The following TBC1D5 variants were observed in gnomAD, a reference collection of about 807,000 sequenced individuals.
The protein encoded by TBC1D5 is TBC1 domain family member 5, also known as TBC1 domain family, member 5.
In TBC1D5, 75 loss-of-function variants were observed where a neutral mutation model predicts 100.3. The observed-to-expected ratio is 0.75, with a 90% confidence interval of 0.62 to 0.91. TBC1D5 has a LOEUF of 0.91. Ranked by LOEUF, TBC1D5 falls within the 40% of genes least tolerant of loss-of-function variation. TBC1D5 has a pLI of 0.00. For synonymous variants in TBC1D5, 323 were observed against 325.6 expected, an observed-to-expected ratio of 0.99 and a Z score of 0.09; for missense variants, 910 against 942.4, an observed-to-expected ratio of 0.97 and a Z score of 0.45.
intron 20 of TBC1D5, among the ~76,000 whole-genome samples, chr3:17,167,336 T>C (rs1044891827): frequency 6.6e-6 from 1 of 152,252 alleles, no homozygotes; most frequent in Non-Finnish European, 1.5e-5. Flanking sequence ...CTGACATTTA[T>C]GTCTCATTTA....
Position 17,420,543 on chromosome 3 carries a change from T to TA in TBC1D5, c.167+7906dup, listed in dbSNP as rs2094183999. Among the ~76,000 whole-genome samples the TA allele has an allele frequency of 2.6e-5, 4 of 152,264 alleles. No homozygotes were observed. The South Asian group carries it at 8.3e-4, about 32-fold the overall frequency. On this transcript the variant is annotated intron_variant, in intron 4 of 21. Coordinates refer to ENST00000253692, the Ensembl canonical transcript of TBC1D5. ...TAAGCAAGATATTGGTGAATTTTTT[T>TA]AAAAAAATTAACTATCCACTTATGA... is the stretch of plus-strand genomic sequence containing the variant.
chr3:17,559,689 A>C (rs899339327), intron 2 of TBC1D5, among the ~76,000 whole-genome samples: 1 of 151,546 alleles, frequency 6.6e-6, no homozygotes, highest in Non-Finnish European at 1.5e-5. Flanking sequence ...TCCTGGGTTC[A>C]AGCGATTCTC....
At chr3:17,739,408 T>C (rs1487812025) in exon 1 of TBC1D5, 2 of 152,242 alleles carry the variant, frequency 1.3e-5, no homozygotes, top group African/African-American at 2.4e-5. Context: ...AATGCTTCAT[T>C]TTCTGTATCG....
intron 1 of TBC1D5, among the ~76,000 whole-genome samples, chr3:17,667,640 T>C (rs911297929): frequency 6.6e-6 from 1 of 151,914 alleles, no homozygotes; most frequent in African/African-American, 2.4e-5. Context: ...TTTGTAGTGA[T>C]GGAGTTTCGC....
At chr3:17,458,773 T>A (rs1208098029) in intron 3 of TBC1D5, among the ~76,000 whole-genome samples, 1 of 152,226 alleles carries the variant, frequency 6.6e-6, no homozygotes, top group Non-Finnish European at 1.5e-5. Context: ...TCCAGCTCAC[T>A]ACATCTCTGA....
intron 16 of TBC1D5, among the ~76,000 whole-genome samples, chr3:17,256,391 TATATA>T (rs2149390205): frequency 6.8e-6 from 1 of 146,776 alleles, no homozygotes; most frequent in Admixed American, 6.8e-5. Context: ...TGTTTATATA[TATATA>T]ATATATATAT....
At chr3:17,611,597 G>GA (rs2061673287) in intron 2 of TBC1D5, among the ~76,000 whole-genome samples, 1 of 152,254 alleles carries the variant, frequency 6.6e-6, no homozygotes, top group Admixed American at 6.5e-5. Context: ...AAGATGGGGG[G>GA]ACAAAAGACC....
At chr3:17,210,466 G>A (rs1324126965) in intron 18 of TBC1D5, among the ~76,000 whole-genome samples, 1 of 152,178 alleles carries the variant, frequency 6.6e-6, no homozygotes, top group Admixed American at 6.5e-5. Flanking sequence ...GGAATTACAG[G>A]CATGAGTCAC....
intron 2 of TBC1D5, among the ~76,000 whole-genome samples, chr3:17,613,464 G>A (rs1211627250): frequency 6.6e-6 from 1 of 152,204 alleles, no homozygotes; most frequent in African/African-American, 2.4e-5. Flanking sequence ...TCGCCACACT[G>A]CCTTCCACAA....
intron 3 of TBC1D5, among the ~76,000 whole-genome samples, chr3:17,506,951 G>A (rs1693246270): frequency 6.6e-6 from 1 of 152,188 alleles, no homozygotes; most frequent in Non-Finnish European, 1.5e-5. Flanking sequence ...GGGAGGCACA[G>A]CTTGCAGTGA....
Position 17,615,202 on chromosome 3 carries a change from G to A in TBC1D5, c.-36+8647C>T, listed in dbSNP as rs1171536592. On this transcript the variant is annotated intron_variant, in intron 2 of 21. Transcript: ENST00000253692. Reference sequence around the variant, plus strand: ...GAATTACTTTTATTGACTTGTGTATGTTGAACCAGCCTTGCAACCCAGGGA... The same window carrying A: ...GAATTACTTTTATTGACTTGTGTATATTGAACCAGCCTTGCAACCCAGGGA... 3.3e-5 allele frequency among the ~76,000 whole-genome samples: 5 copies of A among 152,180 alleles called. No individual in the cohort carries two copies. The East Asian group carries it at 9.6e-4, about 29-fold the overall frequency.
chr3:17,177,000 A>G (rs1274816578), intron 19 of TBC1D5, among the ~76,000 whole-genome samples: 1 of 152,222 alleles, frequency 6.6e-6, no homozygotes, highest in African/African-American at 2.4e-5. Flanking sequence ...ACCCTTCAAT[A>G]CAGCTTGCAA....
At chr3:17,662,170 G>A (rs1376153644) in intron 1 of TBC1D5, among the ~76,000 whole-genome samples, 1 of 152,268 alleles carries the variant, frequency 6.6e-6, no homozygotes, top group East Asian at 1.9e-4. Flanking sequence ...TGGGATTACA[G>A]GCATGAACCA....
rs115154870 is a variant in TBC1D5, at chr3:17,443,285, C to T, written c.98-14766G>A. Among the ~76,000 whole-genome samples the T allele has an allele frequency of 3.5e-3, 535 of 152,238 alleles. 3 individuals carry two copies. The highest frequency in any genetic ancestry group is 0.012 in the African/African-American group (514 of 41,536). ...CAGCGGTCAGGTCTCACTTGCACTC[C>T]GAGCTAAGTAATTATCTCTTGAAGC... On this transcript the variant is annotated intron_variant, in intron 3 of 21. Coordinates refer to ENST00000253692, the Ensembl canonical transcript of TBC1D5.
chr3:17,562,725 A>G (rs2096567725), intron 2 of TBC1D5, among the ~76,000 whole-genome samples: 1 of 152,226 alleles, frequency 6.6e-6, no homozygotes, highest in African/African-American at 2.4e-5. Context: ...TGAAGGACCC[A>G]AATGGCAAAT....
intron 8 of TBC1D5, among the ~76,000 whole-genome samples, chr3:17,394,611 A>G (rs1422339468): frequency 1.3e-5 from 2 of 152,132 alleles, no homozygotes; most frequent in Non-Finnish European, 2.9e-5. Flanking sequence ...TAATTTTAAA[A>G]GAAGATAATT....
At chr3:17,508,440 C>A (rs781672143) in intron 3 of TBC1D5, 34 bp downstream of exon 3, 2 of 1,555,846 alleles carry the variant, frequency 1.3e-6, no homozygotes, top group Admixed American at 3.3e-5. Flanking sequence ...TCCCAGTACA[C>A]TACCTACAAA....
At chr3:17,600,011 T>G (rs1382073378) in intron 2 of TBC1D5, among the ~76,000 whole-genome samples, 2 of 152,244 alleles carry the variant, frequency 1.3e-5, no homozygotes, top group Non-Finnish European at 2.9e-5. Context: ...ATTCTAATTT[T>G]GCTAACTTTT....
intron 3 of TBC1D5, among the ~76,000 whole-genome samples, chr3:17,439,706 G>C (rs1233773822): frequency 1.3e-5 from 2 of 151,960 alleles, no homozygotes; most frequent in South Asian, 2.1e-4. Context: ...TCCACGAATT[G>C]ATATGTATCA....
Sources: gnomAD v4.1 joint callset for allele counts (sites outside exome capture counted in the v4.1 genomes callset) on GRCh38, gnomAD v4.1.1 for gene constraint, MANE v1.5 for transcripts, NCBI Gene and HGNC (gene_info 2026-07-23, HGNC 2026-07-21) for gene names.